The following RARB variants were observed in gnomAD, a reference collection of about 807,000 sequenced individuals.
The protein encoded by RARB is retinoic acid receptor beta.
In RARB, 17 loss-of-function variants were observed where a neutral mutation model predicts 51.9. The ratio of observed to expected loss-of-function variants is 0.33; its 90% CI spans 0.22 to 0.49. RARB has a LOEUF of 0.49. Ranked by LOEUF, RARB falls within the 20% of genes least tolerant of loss-of-function variation. The pLI is 0.99. For synonymous variants in RARB, 215 were observed against 195.4 expected, an observed-to-expected ratio of 1.10 and a Z score of -0.84; for missense variants, 369 against 550.8, an observed-to-expected ratio of 0.67 and a Z score of 3.30.
intron 5 of RARB, among the ~76,000 whole-genome samples, chr3:25,302,211 C>A (rs1047730331): frequency 6.6e-6 from 1 of 152,184 alleles, no homozygotes; most frequent in Non-Finnish European, 1.5e-5. Context: ...CTTTGGAAAA[C>A]AGTCTGGCAT....
intron 5 of RARB, among the ~76,000 whole-genome samples, chr3:25,259,532 C>T (rs367872832): frequency 1.0e-3 from 153 of 152,178 alleles, no homozygotes; most frequent in African/African-American, 3.6e-3. Context: ...AGCCTAGGTC[C>T]CTGAATGACT....
chr3:25,045,370 T>G, intron 2 of RARB, among the ~76,000 whole-genome samples: 1 of 152,156 alleles, frequency 6.6e-6, no homozygotes, highest in Middle Eastern at 3.2e-3. Flanking sequence ...GGGGGGTTTA[T>G]CAGGAGGCCC....
intron 3 of RARB, among the ~76,000 whole-genome samples, chr3:25,113,617 T>C (rs760605197): frequency 6.6e-6 from 1 of 152,156 alleles, no homozygotes; most frequent in Non-Finnish European, 1.5e-5. Flanking sequence ...ATCCTGATAA[T>C]CACCACTGAG....
intron 3 of RARB, among the ~76,000 whole-genome samples, chr3:25,086,221 C>A (rs1315117060): frequency 3.3e-5 from 5 of 152,142 alleles, no homozygotes; most frequent in African/African-American, 1.2e-4. Context: ...ATATGCCCAT[C>A]CCTCATCCAG....
chr3:25,540,136 T>C (rs569792831), intron 3 of RARB, among the ~76,000 whole-genome samples: 12 of 152,316 alleles, frequency 7.9e-5, no homozygotes, highest in African/African-American at 2.9e-4. Context: ...CCTTAGTTGA[T>C]TGGTTATTTT....
intron 5 of RARB, among the ~76,000 whole-genome samples, chr3:25,368,774 C>T (rs1706211575): frequency 6.6e-6 from 1 of 152,138 alleles, no homozygotes; most frequent in Non-Finnish European, 1.5e-5. Flanking sequence ...GGCCTGGAGT[C>T]AGCCTGCAGG....
chr3:25,131,037 G>GATA (rs1699944569), intron 3 of RARB, among the ~76,000 whole-genome samples: 2 of 148,116 alleles, frequency 1.4e-5, no homozygotes, highest in African/African-American at 5.1e-5. Context: ...TTTTATCAAT[G>GATA]ATCTTATCAA....
chr3:25,308,062 A>AT (rs375625724), intron 5 of RARB, among the ~76,000 whole-genome samples: 33 of 152,304 alleles, frequency 2.2e-4, no homozygotes, highest in Non-Finnish European at 3.8e-4. Context: ...TGTCCCCTAA[A>AT]TTATGGTGCC....
Position 25,047,521 on chromosome 3 carries a change from A to G in RARB, c.-379-12604A>G, listed in dbSNP as rs919490401. On this transcript the variant is annotated intron_variant, in intron 2 of 11. Coordinates refer to the RARB transcript ENST00000383772. Reference sequence around the variant, plus strand: ...ATCTACTATATTGGATGTCATAGCAAATGTCAAGGAACACGGTGTTGCATA... The same window carrying G: ...ATCTACTATATTGGATGTCATAGCAGATGTCAAGGAACACGGTGTTGCATA... Among the ~76,000 whole-genome samples, 6 of 152,216 alleles carry G rather than the reference A, an allele frequency of 3.9e-5. No individual in the cohort carries two copies. In the East Asian group the frequency reaches 1.2e-3, roughly 29 times the overall value.
At chr3:25,395,522 G>C (rs1707089784) in intron 5 of RARB, among the ~76,000 whole-genome samples, 1 of 152,044 alleles carries the variant, frequency 6.6e-6, no homozygotes, top group African/African-American at 2.4e-5. Flanking sequence ...TTCTCTTCTT[G>C]CTTGGGAACA....
intron 4 of RARB, among the ~76,000 whole-genome samples, chr3:25,168,832 C>G (rs896475754): frequency 6.6e-6 from 1 of 152,018 alleles, no homozygotes; most frequent in African/African-American, 2.4e-5. Context: ...TCAAAGGAAG[C>G]ATAAAATAAA....
chr3:25,449,730 TA>T (rs1007805204), intron 1 of RARB, among the ~76,000 whole-genome samples: 12 of 151,296 alleles, frequency 7.9e-5, no homozygotes, highest in Non-Finnish European at 1.8e-4. Flanking sequence ...ATAGTAAAAC[TA>T]GACTAGCAAT....
At chr3:24,910,773 A>T (rs1270376223) in intron 2 of RARB, among the ~76,000 whole-genome samples, 1 of 152,182 alleles carries the variant, frequency 6.6e-6, no homozygotes, top group African/African-American at 2.4e-5. Context: ...ATGGAGAATT[A>T]TGAGGGAGGA....
chr3:24,844,977 G>A (rs1256938714), intron 1 of RARB, among the ~76,000 whole-genome samples: 1 of 152,118 alleles, frequency 6.6e-6, no homozygotes, highest in African/African-American at 2.4e-5. Context: ...AAACTCCTCT[G>A]TCCTTGCTGC....
intron 3 of RARB, among the ~76,000 whole-genome samples, chr3:25,083,101 T>C (rs936779339): frequency 4.6e-5 from 7 of 150,560 alleles, no homozygotes; most frequent in Non-Finnish European, 1.0e-4. Flanking sequence ...TTTTTATCTT[T>C]TAGCATTTTA....
intron 5 of RARB, among the ~76,000 whole-genome samples, chr3:25,200,365 G>A (rs1170630799): frequency 6.6e-6 from 1 of 151,608 alleles, no homozygotes; most frequent in Non-Finnish European, 1.5e-5. Context: ...TAAGTAGATT[G>A]CAAAAATTTT....
intron 5 of RARB, among the ~76,000 whole-genome samples, chr3:25,404,576 A>C (rs1284872522): frequency 6.6e-6 from 1 of 152,172 alleles, no homozygotes; most frequent in Non-Finnish European, 1.5e-5. Flanking sequence ...TGAAAAGGAA[A>C]GTTTGAGTAG....
rs1370035277 is a variant in RARB, at chr3:25,459,689, T to C, written c.158-1504T>C. On this transcript the variant is annotated intron_variant, in intron 1 of 7. Coordinates refer to ENST00000330688, the MANE Select transcript of RARB (RefSeq NM_000965.5). ...GGGGATGGATTAACAATAAGTTTAG[T>C]GGGTAGAGTTGACCTGACTTGCTAA... 4.6e-5 allele frequency among the ~76,000 whole-genome samples: 7 copies of C among 152,138 alleles called. No individual in the cohort carries two copies. The East Asian group carries it at 1.2e-3, about 25-fold the overall frequency.
chr3:25,472,274 T>A (rs115151916), intron 2 of RARB, among the ~76,000 whole-genome samples: 87 of 152,296 alleles, frequency 5.7e-4, no homozygotes, highest in African/African-American at 2.0e-3. Context: ...GTTCTTAGCA[T>A]CATCTTATTC....
Sources: gnomAD v4.1 joint callset for allele counts (sites outside exome capture counted in the v4.1 genomes callset) on GRCh38, gnomAD v4.1.1 for gene constraint, MANE v1.5 for transcripts, NCBI Gene and HGNC (gene_info 2026-07-23, HGNC 2026-07-21) for gene names.